Variants in TLCD5 observed in about 807,000 individuals in gnomAD.
TLCD5 encodes the protein TLC domain-containing protein 5.
A neutral mutation model predicts 20.5 loss-of-function variants in TLCD5; 15 were observed. The ratio of observed to expected loss-of-function variants is 0.73; its 90% CI spans 0.49 to 1.13. TLCD5 has a LOEUF of 1.13. Among genes scored for constraint, TLCD5 ranks in the 50% most tolerant of loss-of-function variants. The pLI is 0.00. For synonymous variants in TLCD5, 107 were observed against 114.7 expected (o/e 0.93, Z 0.43); for missense variants, 289 against 305.6 (o/e 0.95, Z 0.41).
At position 120,327,639 on chromosome 11, in the gene TLCD5, A is replaced by G. The variant is rs749943320; in HGVS notation, c.198A>G (p.Pro66=). ...FIDGPWPFTH[P]GSPNTPLQVH... ...ATGGCCCATGGCCTTTTACCCACCC[A>G]GGTAGGTAGGGGATTTTCCCTTAGG... The change falls in exon 2 of 3, where the codon CCA becomes CCG. Residue 66 remains proline, a splice_region_variant and synonymous_variant. Coordinates refer to ENST00000375095, the MANE Select transcript of TLCD5 (RefSeq NM_001198671.2). 11 of 1,611,132 alleles carry G rather than the reference A, an allele frequency of 6.8e-6. No homozygotes were observed. The East Asian group carries it at 2.5e-4, about 36-fold the overall frequency.
intron 2 of TLCD5, among the ~76,000 whole-genome samples, chr11:120,328,295 A>G (rs975492114): frequency 4.0e-5 from 6 of 151,836 alleles, no homozygotes; most frequent in Non-Finnish European, 8.8e-5. Context: ...GTTAGTCAGG[A>G]TGGTCTCGAT....
Position 120,330,334 on chromosome 11 carries a change from C to G in TLCD5, c.557C>G (p.Ser186Cys). 6.2e-7 allele frequency: 1 copy of G among 1,604,098 alleles called. No individual in the cohort carries two copies. The highest frequency in any genetic ancestry group is 1.3e-5 in the African/African-American group (1 of 74,914). Residue 186 changes from serine to cysteine, a missense_variant, in exon 3 of 3, where the codon TCC becomes TGC. Physicochemically the swap from Ser to Cys is moderately radical, Grantham distance 112 (BLOSUM62 -1). Transcript: ENST00000375095. ...TGCCTCCTTTTCTGTGAAATGGTCT[C>G]CCCCACGCCTAAGTGGTTTGTGAAG... is the stretch of plus-strand genomic sequence containing the variant. Reference protein sequence around the residue: ...GACLLFCEMVSPTPKWFVKAG... With the variant: ...GACLLFCEMVCPTPKWFVKAG...
At position 120,327,456 on chromosome 11, in the gene TLCD5, G is replaced by C. The variant is rs1333346975; in HGVS notation, c.15G>C (p.Leu5=). 6.2e-7 allele frequency: 1 copy of C among 1,614,092 alleles called. No individual in the cohort carries two copies. The highest frequency in any genetic ancestry group is 1.3e-5 in the African/African-American group (1 of 74,934). The change falls in exon 2 of 3, where the codon CTG becomes CTC. Residue 5 remains leucine (L), a synonymous_variant. Transcript: ENST00000375095. ...TTCATCACAGGATGGCATTAGCTCT[G>C]TGTCTGCAGGTGCTGTGCAGCCTGT... MALA[L]CLQVLCSLCG...
In TLCD5 at chr11:120,332,608, C is replaced by T. The variant is rs1245489010; in HGVS notation, c.*2093C>T. 6.6e-6 allele frequency: 1 copy of T among 152,406 alleles called. No homozygotes were observed. The highest frequency in any genetic ancestry group is 1.5e-5 in the Non-Finnish European group (1 of 68,188). 9.4% of individuals were successfully genotyped at this position (152,406 alleles called of 1,614,324 possible). On this transcript the variant is annotated 3_prime_UTR_variant, in exon 3 of 3. Transcript: ENST00000375095. The surrounding 1 kb of genome is among the most constrained non-coding windows in gnomAD (Gnocchi z 4.2). Reference sequence around the variant, plus strand: ...AGTGCAGTGGTGTGATCTCAACTCACTGCAACCTCCGCCTTCTGTGTTCAA... The same window carrying T: ...AGTGCAGTGGTGTGATCTCAACTCATTGCAACCTCCGCCTTCTGTGTTCAA...
intron 2 of TLCD5, among the ~76,000 whole-genome samples, chr11:120,328,060 G>C (rs1482820172): frequency 6.6e-6 from 1 of 151,948 alleles, no homozygotes; most frequent in Non-Finnish European, 1.5e-5. Flanking sequence ...TTTGTTACTA[G>C]ATGTACAAGT....
intron 1 of TLCD5, among the ~76,000 whole-genome samples, chr11:120,326,404 T>A (rs563825246): frequency 7.9e-5 from 12 of 152,316 alleles, no homozygotes; most frequent in Admixed American, 2.6e-4. Context: ...TGGATAGCAT[T>A]CTTGGGAAGT....
At chr11:120,325,641 G>A (rs887368251) in intron 1 of TLCD5, among the ~76,000 whole-genome samples, 1 of 152,172 alleles carries the variant, frequency 6.6e-6, no homozygotes, top group African/African-American at 2.4e-5. Context: ...AGGCCCCGGG[G>A]CCCGCGCTCG....
In TLCD5 at chr11:120,332,694, G is replaced by A. The variant is rs1487554010; in HGVS notation, c.*2179G>A. On this transcript the variant is annotated 3_prime_UTR_variant, in exon 3 of 3. Transcript: ENST00000375095. The surrounding 1 kb of genome is among the most constrained non-coding windows in gnomAD (Gnocchi z 4.2). ...ACTACAGGCGTGTGCCACCATGCCT[G>A]GCTACTTTTTGTATTTTTAGTAGAG... The A allele has an allele frequency of 2.6e-5, 4 of 152,206 alleles. No homozygotes were observed. The East Asian group carries it at 7.7e-4, about 29-fold the overall frequency. 9.4% of individuals were successfully genotyped at this position (152,206 alleles called of 1,614,324 possible). A position where few individuals can be genotyped will look rare whatever the true frequency, so the allele number is the denominator to read the frequency against.
Position 120,327,512 on chromosome 11 carries a change from G to A in TLCD5, c.71G>A (p.Cys24Tyr), listed in dbSNP as rs1212234321. The A allele has an allele frequency of 3.1e-6, 5 of 1,613,990 alleles. No homozygotes were observed. Among genetic ancestry groups the A allele is most frequent in the Non-Finnish European group, 4.2e-6 (5 of 1,180,022 alleles). The part of the protein sequence containing the change: ...CGWLSLYISF[C>Y]HLNKHRSYEW... ...TGGCTCTCGCTCTATATTTCTTTCT[G>A]CCACCTGAATAAGCACCGAAGCTAT... Residue 24 changes from cysteine (C) to tyrosine (Y), a missense_variant, in exon 2 of 3, where the codon TGC (cysteine) becomes TAC (tyrosine). Physicochemically the swap from Cys to Tyr is radical, Grantham distance 194. Transcript: ENST00000375095.
Position 120,330,379 on chromosome 11 carries a change from A to G in TLCD5, c.602A>G (p.Tyr201Cys). The G allele has an allele frequency of 6.2e-7, 1 of 1,614,056 alleles. No individual in the cohort carries two copies. The highest frequency in any genetic ancestry group is 2.2e-5 in the East Asian group (1 of 44,888). Residue 201 changes from tyrosine to cysteine, a missense_variant, in exon 3 of 3, where the codon TAT (tyrosine) becomes TGT (cysteine). By Grantham distance (194) the Tyr-to-Cys change is radical (BLOSUM62 -2). Coordinates refer to ENST00000375095, the MANE Select transcript of TLCD5 (RefSeq NM_001198671.2). Reference sequence around the variant, plus strand: ...GTGAAGGCTGGGGGAGTAGCGATGTATGCTGTGTCTTGGTGTTTCATGTTT... The same window carrying G: ...GTGAAGGCTGGGGGAGTAGCGATGTGTGCTGTGTCTTGGTGTTTCATGTTT... Reference protein sequence around the residue: ...WFVKAGGVAMYAVSWCFMFSI... With the variant: ...WFVKAGGVAMCAVSWCFMFSI...
At chr11:120,328,499 G>C (rs1003822282) in intron 2 of TLCD5, among the ~76,000 whole-genome samples, 6 of 152,108 alleles carry the variant, frequency 3.9e-5, no homozygotes, top group African/African-American at 1.4e-4. Context: ...GCTAGAAGTC[G>C]GAGTTCAAGT....
At chr11:120,326,357 A>C (rs1942001513) in intron 1 of TLCD5, among the ~76,000 whole-genome samples, 1 of 152,194 alleles carries the variant, frequency 6.6e-6, no homozygotes, top group Non-Finnish European at 1.5e-5. Context: ...ATTTCAGATG[A>C]AAGCTGTACA....
chr11:120,327,500 A>G lies in TLCD5; in HGVS notation c.59A>G (p.Tyr20Cys), dbSNP rs149219350. 66 of 1,613,980 alleles carry G rather than the reference A, an allele frequency of 4.1e-5. No homozygotes were observed. In the African/African-American group the frequency reaches 4.3e-4, roughly 10 times the overall value. Residue 20 changes from tyrosine (Y) to cysteine (C), a missense_variant, in exon 2 of 3, where the codon TAT becomes TGT. By Grantham distance (194) the Tyr-to-Cys change is radical (BLOSUM62 -2). Coordinates refer to ENST00000375095, the MANE Select transcript of TLCD5 (RefSeq NM_001198671.2). ...LCSLCGWLSL[Y>C]ISFCHLNKHR... ...AGCCTGTGTGGCTGGCTCTCGCTCT[A>G]TATTTCTTTCTGCCACCTGAATAAG...
At chr11:120,327,950 A>G (rs1269851737) in intron 2 of TLCD5, among the ~76,000 whole-genome samples, 1 of 152,216 alleles carries the variant, frequency 6.6e-6, no homozygotes, top group Non-Finnish European at 1.5e-5. Context: ...GAACTGTATC[A>G]TACATATTTT....
At position 120,327,564 on chromosome 11, in the gene TLCD5, C is replaced by T. The variant is rs1317624773; in HGVS notation, c.123C>T (p.Phe41=). The change falls in exon 2 of 3, where the codon TTC becomes TTT. Residue 41 remains phenylalanine (F), a synonymous_variant. Transcript: ENST00000375095. ...AGTGGAGCTGCCGCCTGGTCACCTTCACCCATGGAGTCCTCTCTATAGGCC... is the reference window on the plus strand; with the variant it reads ...AGTGGAGCTGCCGCCTGGTCACCTTTACCCATGGAGTCCTCTCTATAGGCC... The part of the protein sequence containing the change: ...SYEWSCRLVT[F]THGVLSIGLS... The T allele has an allele frequency of 6.2e-7, 1 of 1,614,228 alleles. No homozygotes were observed. The highest frequency in any genetic ancestry group is 1.3e-5 in the African/African-American group (1 of 75,044).
chr11:120,331,915 A>T lies in TLCD5; in HGVS notation c.*1400A>T, dbSNP rs1399182001. 1.3e-5 allele frequency: 2 copies of T among 152,290 alleles called. No individual in the cohort carries two copies. The highest frequency in any genetic ancestry group is 4.8e-5 in the African/African-American group (2 of 41,542). 9.4% of individuals were successfully genotyped at this position (152,290 alleles called of 1,614,324 possible). On this transcript the variant is annotated 3_prime_UTR_variant, in exon 3 of 3. Coordinates refer to ENST00000375095, the MANE Select transcript of TLCD5 (RefSeq NM_001198671.2). The surrounding 1 kb of genome is among the most constrained non-coding windows in gnomAD (Gnocchi z 4.5). ...TGCAAACTAGAGCCAAAGACTTTAA[A>T]GTGTGTACTGGCCTCAGGGGGATGA...
intron 1 of TLCD5, 161 bp from the exon 2 acceptor site, chr11:120,327,280 C>T: frequency 3.9e-6 from 5 of 1,268,268 alleles, no homozygotes; most frequent in Non-Finnish European, 5.5e-6. Flanking sequence ...TACAGCCATA[C>T]TTAAATAGAA....
chr11:120,330,414 C>A lies in TLCD5; in HGVS notation c.637C>A (p.Arg213Ser). 1 of 1,614,066 alleles carries A rather than the reference C, an allele frequency of 6.2e-7. No homozygotes were observed. The highest frequency in any genetic ancestry group is 2.2e-5 in the East Asian group (1 of 44,880). Residue 213 changes from arginine (R) to serine (S), a missense_variant, in exon 3 of 3, where the codon CGC becomes AGC. Arg to Ser is a moderately radical substitution (Grantham distance 110, BLOSUM62 -1). Transcript: ENST00000375095. ...VSWCFMFSIW[R>S]FAWRKSIKKY... ...TTGGTGTTTCATGTTTAGCATCTGGCGCTTTGCATGGAGGAAGAGCATCAA... is the reference window on the plus strand; with the variant it reads ...TTGGTGTTTCATGTTTAGCATCTGGAGCTTTGCATGGAGGAAGAGCATCAA...
At chr11:120,328,359 G>A (rs1215796282) in intron 2 of TLCD5, among the ~76,000 whole-genome samples, 1 of 152,158 alleles carries the variant, frequency 6.6e-6, no homozygotes, top group African/African-American at 2.4e-5. Context: ...GGGATTACAG[G>A]TGTGAGCCAC....
Sources: gnomAD v4.1 joint callset for allele counts (sites outside exome capture counted in the v4.1 genomes callset) on GRCh38, gnomAD v4.1.1 for gene constraint, Gnocchi (gnomAD v3.1) non-coding constraint, MANE v1.5 for transcripts, NCBI Gene and HGNC (gene_info 2026-07-23, HGNC 2026-07-21) for gene names.